The following VASN variants were observed in gnomAD, a reference collection of about 807,000 sequenced individuals.
VASN encodes the protein protein slit-like 2.
A neutral mutation model predicts 4.8 loss-of-function variants in VASN; 5 were observed. The observed-to-expected ratio is 1.03, with a 90% confidence interval of 0.54 to 2.17. The LOEUF is 2.17. Among genes scored for constraint, VASN ranks in the 30% most tolerant of loss-of-function variants. The pLI is 0.01. For synonymous variants in VASN, 499 were observed against 460.8 expected, an observed-to-expected ratio of 1.08 and a Z score of -1.06; for missense variants, 927 against 948.8, an observed-to-expected ratio of 0.98 and a Z score of 0.30.
At chr16:4,374,865 T>C (rs2054663238) in intron 1 of VASN, among the ~76,000 whole-genome samples, 1 of 152,092 alleles carries the variant, frequency 6.6e-6, no homozygotes, top group African/African-American at 2.4e-5. Flanking sequence ...CCTTCCTTGG[T>C]GACTAAGGTG....
intron 1 of VASN, among the ~76,000 whole-genome samples, chr16:4,377,230 C>CGAATCCCAG (rs2054767443): frequency 3.9e-5 from 6 of 152,034 alleles, no homozygotes. Context: ...CCGACGTCCC[C>CGAATCCCAG]GAATCCCAGG....
Position 4,382,759 on chromosome 16 carries a change from A to C in VASN, c.1882A>C (p.Lys628Gln). ...GAGPLELEGV[K>Q]VPLEPGPKAT... is the part of the protein sequence containing the mutation. ...TGGGCCCCTGGAACTGGAGGGAGTG[A>C]AGGTCCCCTTGGAGCCAGGCCCGAA... Residue 628 changes from lysine to glutamine, a missense_variant, in exon 2 of 2, where the codon AAG becomes CAG. Physicochemically the swap from Lys to Gln is moderately conservative, Grantham distance 53 (BLOSUM62 1). Coordinates refer to ENST00000304735, the MANE Select transcript of VASN (RefSeq NM_138440.3). 1 of 1,562,700 alleles carries C rather than the reference A, an allele frequency of 6.4e-7. No homozygotes were observed. The highest frequency in any genetic ancestry group is 8.7e-7 in the Non-Finnish European group (1 of 1,154,362).
At chr16:4,379,752 A>C (rs1185320267) in intron 1 of VASN, among the ~76,000 whole-genome samples, 1 of 152,034 alleles carries the variant, frequency 6.6e-6, no homozygotes, top group African/African-American at 2.4e-5. Context: ...CCCAAGAAAC[A>C]GTAGACGAAG....
chr16:4,383,491 G>A lies in VASN; in HGVS notation c.*592G>A, dbSNP rs555829386. 14 of 167,176 alleles carry A rather than the reference G, an allele frequency of 8.4e-5. No individual in the cohort carries two copies. The highest frequency in any genetic ancestry group is 3.1e-4 in the African/African-American group (13 of 41,592). 10.4% of individuals were successfully genotyped at this position (167,176 alleles called of 1,614,324 possible). On this transcript the variant is annotated 3_prime_UTR_variant, in exon 2 of 2. Coordinates refer to ENST00000304735, the MANE Select transcript of VASN (RefSeq NM_138440.3). ...TTTGTAAGACAAACGATGATATGAA[G>A]GCCTTTTGTAAGAAAAAATAAAAGA...
rs1403763410 is a variant in VASN at position 4,381,743 on chromosome 16, G to A, written c.866G>A (p.Arg289His). 1.5e-5 allele frequency: 24 copies of A among 1,604,034 alleles called. No homozygotes were observed. Among genetic ancestry groups the A allele is most frequent in the Middle Eastern group, 1.6e-4 (1 of 6,074 alleles). The change falls in exon 2 of 2, where the codon CGC (arginine) becomes CAC (histidine). Residue 289 changes from arginine (R) to histidine (H), a missense_variant. Physicochemically the swap from Arg to His is conservative, Grantham distance 29. Transcript: ENST00000304735. ...GGCGACCTCTCGGGCCTCTTCCCCC[G>A]CCTGCGGCTGCTGGCAGCTGCCCGC... ...LPGDLSGLFP[R>H]LRLLAAARNP...
At position 4,382,698 on chromosome 16, in the gene VASN, A is replaced by G; in HGVS notation, c.1821A>G (p.Ala607=). The change falls in exon 2 of 2, where the codon GCA becomes GCG. Residue 607 remains alanine, a synonymous_variant. Transcript: ENST00000304735. ...TGCGGCGGGGGCGGGCCATGGCAGC[A>G]GCGGCTCAGGACAAAGGGCAGGTGG... ...YCVRRGRAMA[A]AAQDKGQVGP... is the part of the protein sequence containing the mutation. The G allele has an allele frequency of 6.5e-7, 1 of 1,547,674 alleles. No homozygotes were observed. The highest frequency in any genetic ancestry group is 8.7e-7 in the Non-Finnish European group (1 of 1,147,256).
At chr16:4,374,697 C>A (rs1325401062) in intron 1 of VASN, among the ~76,000 whole-genome samples, 4 of 152,182 alleles carry the variant, frequency 2.6e-5, no homozygotes, top group Non-Finnish European at 5.9e-5. Context: ...GCCCATTGAT[C>A]AGCTCACAGA....
chr16:4,381,763 GC>G lies in VASN; in HGVS notation c.889del (p.Arg297AlafsTer10). 1 of 1,602,206 alleles carries G rather than the reference GC, an allele frequency of 6.2e-7. No individual in the cohort carries two copies. The highest frequency in any genetic ancestry group is 8.5e-7 in the Non-Finnish European group (1 of 1,179,330). On this transcript the variant is annotated frameshift_variant, in exon 2 of 2. Transcript: ENST00000304735. LOFTEE classifies it low-confidence loss of function (END_TRUNC). Reference protein sequence around the residue: ...LFPRLRLLAAARNPFNCVCPL... With the variant: ...LFPRLRLLAAXRNPFNCVCPL... ...CCCCCGCCTGCGGCTGCTGGCAGCT[GC>G]CCGCAACCCCTTCAACTGCGTGTGC...
chr16:4,382,716 G>T lies in VASN; in HGVS notation c.1839G>T (p.Gly613=). The change falls in exon 2 of 2, where the codon GGG becomes GGT. Residue 613 remains glycine, a synonymous_variant. Transcript: ENST00000304735. ...RAMAAAAQDK[G]QVGPGAGPLE... ...TGGCAGCAGCGGCTCAGGACAAAGGGCAGGTGGGGCCAGGGGCTGGGCCCC... is the reference window on the plus strand; with the variant it reads ...TGGCAGCAGCGGCTCAGGACAAAGGTCAGGTGGGGCCAGGGGCTGGGCCCC... The T allele has an allele frequency of 6.4e-7, 1 of 1,551,396 alleles. No homozygotes were observed. Among genetic ancestry groups the T allele is most frequent in the Non-Finnish European group, 8.7e-7 (1 of 1,148,608 alleles).
chr16:4,373,821 A>C (rs1157232757), intron 1 of VASN, among the ~76,000 whole-genome samples: 1 of 152,140 alleles, frequency 6.6e-6, no homozygotes, highest in Non-Finnish European at 1.5e-5. Context: ...AGCAGGCCAG[A>C]CAGCCAGTCC....
chr16:4,381,485 G>A lies in VASN; in HGVS notation c.608G>A (p.Gly203Glu). Reference protein sequence around the residue: ...NVEALRLAGLGLQQLDEGLFS... With the variant: ...NVEALRLAGLELQQLDEGLFS... Reference sequence around the variant, plus strand: ...GAGGCGCTGCGGCTGGCTGGTCTGGGGCTGCAGCAGCTGGACGAGGGGCTC... The same window carrying A: ...GAGGCGCTGCGGCTGGCTGGTCTGGAGCTGCAGCAGCTGGACGAGGGGCTC... Residue 203 changes from glycine to glutamate, a missense_variant, in exon 2 of 2, where the codon GGG (glycine) becomes GAG (glutamate). By Grantham distance (98) the Gly-to-Glu change is moderately conservative. Transcript: ENST00000304735. The A allele has an allele frequency of 1.3e-6, 2 of 1,586,372 alleles. No homozygotes were observed. Among genetic ancestry groups the A allele is most frequent in the South Asian group, 2.3e-5 (2 of 87,660 alleles).
chr16:4,375,287 T>C (rs1285953724), intron 1 of VASN, among the ~76,000 whole-genome samples: 2 of 152,180 alleles, frequency 1.3e-5, no homozygotes, highest in Non-Finnish European at 2.9e-5. Flanking sequence ...GGGAAGACCC[T>C]GTGCCTGCCC....
At position 4,382,180 on chromosome 16, in the gene VASN, G is replaced by C. The variant is rs116785941; in HGVS notation, c.1303G>C (p.Gly435Arg). 9.4e-6 allele frequency: 15 copies of C among 1,597,722 alleles called. No homozygotes were observed. In the African/African-American group the frequency reaches 1.9e-4, roughly 20 times the overall value. ...CCACCTGGCGTGCTTGTGCCCCGAA[G>C]GCTTCACGGGCCTGTACTGTGAGAG... is the stretch of plus-strand genomic sequence containing the variant. ...RHHLACLCPE[G>R]FTGLYCESQM... The change falls in exon 2 of 2, where the codon GGC (glycine) becomes CGC (arginine). Residue 435 changes from glycine (G) to arginine (R), a missense_variant. Physicochemically the swap from Gly to Arg is moderately radical, Grantham distance 125 (BLOSUM62 -2). Coordinates refer to ENST00000304735, the MANE Select transcript of VASN (RefSeq NM_138440.3).
intron 1 of VASN, among the ~76,000 whole-genome samples, chr16:4,380,291 C>T (rs1473219634): frequency 1.3e-5 from 2 of 152,198 alleles, no homozygotes; most frequent in Non-Finnish European, 2.9e-5. Context: ...CCTGGCGGCC[C>T]GCAGCCCCCA....
chr16:4,383,289 T>G lies in VASN; in HGVS notation c.*390T>G. 4.4e-6 allele frequency: 1 copy of G among 229,226 alleles called. No homozygotes were observed. The highest frequency in any genetic ancestry group is 9.1e-6 in the Non-Finnish European group (1 of 109,728). 14.2% of individuals were successfully genotyped at this position (229,226 alleles called of 1,614,324 possible). A position where few individuals can be genotyped will look rare whatever the true frequency, so the allele number is the denominator to read the frequency against. ...CCGGAAAGAGCAGAGGGAGAGCGGG[T>G]AGGCGGCTGTGTGACTCTAGTCTTG... On this transcript the variant is annotated 3_prime_UTR_variant, in exon 2 of 2. Transcript: ENST00000304735.
Position 4,382,292 on chromosome 16 carries a change from G to A in VASN, c.1415G>A (p.Ser472Asn). 3.1e-6 allele frequency: 5 copies of A among 1,610,108 alleles called. No individual in the cohort carries two copies. The highest frequency in any genetic ancestry group is 4.2e-6 in the Non-Finnish European group (5 of 1,178,964). The change falls in exon 2 of 2, where the codon AGC becomes AAC. Residue 472 changes from serine (S) to asparagine (N), a missense_variant. Physicochemically the swap from Ser to Asn is conservative, Grantham distance 46 (BLOSUM62 1). Coordinates refer to ENST00000304735, the MANE Select transcript of VASN (RefSeq NM_138440.3). ...CTGACCCTGGGCATCGAGCCGGTGA[G>A]CCCCACCTCCCTGCGCGTGGGGCTG... ...RSLTLGIEPV[S>N]PTSLRVGLQR... is the part of the protein sequence containing the mutation.
chr16:4,375,356 C>A (rs2141226708), intron 1 of VASN, among the ~76,000 whole-genome samples: 1 of 152,360 alleles, frequency 6.6e-6, no homozygotes. Context: ...CTCCTCCCTG[C>A]ACAGGAAGAC....
chr16:4,381,705 G>A lies in VASN; in HGVS notation c.828G>A (p.Leu276=). The change falls in exon 2 of 2, where the codon CTG becomes CTA. Residue 276 remains leucine, a synonymous_variant. Transcript: ENST00000304735. The part of the protein sequence containing the change: ...LQELDVSNLS[L]QALPGDLSGL... ...AGCTGGATGTGAGCAACCTAAGCCTGCAGGCCCTGCCTGGCGACCTCTCGG... is the reference window on the plus strand; with the variant it reads ...AGCTGGATGTGAGCAACCTAAGCCTACAGGCCCTGCCTGGCGACCTCTCGG... 6 of 1,607,616 alleles carry A rather than the reference G, an allele frequency of 3.7e-6. No individual in the cohort carries two copies. In the Admixed American group the frequency reaches 5.0e-5, roughly 13 times the overall value.
rs764503710 is a variant in VASN at position 4,381,082 on chromosome 16, G to A, written c.205G>A (p.Ala69Thr). Residue 69 changes from alanine to threonine, a missense_variant, in exon 2 of 2, where the codon GCA becomes ACA. Physicochemically the swap from Ala to Thr is moderately conservative, Grantham distance 58. Coordinates refer to ENST00000304735, the MANE Select transcript of VASN (RefSeq NM_138440.3). ...TGAGAACGGCATCACCATGCTCGAC[G>A]CAGGCAGCTTTGCCGGCCTGCCGGG... ...VFENGITMLD[A>T]GSFAGLPGLQ... 1.6e-5 allele frequency: 25 copies of A among 1,609,310 alleles called. No individual in the cohort carries two copies. The East Asian group carries it at 1.6e-4, about 10-fold the overall frequency.
Sources: allele counts gnomAD v4.1 joint callset (sites outside exome capture counted in the v4.1 genomes callset), GRCh38; gene constraint gnomAD v4.1.1; transcripts MANE v1.5; gene names NCBI Gene and HGNC (gene_info 2026-07-23, HGNC 2026-07-21).